Variants in TBC1D30 observed in about 807,000 individuals in gnomAD.
TBC1D30 encodes TBC1 domain family, member 30.
Under a neutral mutation model 63.2 loss-of-function variants are expected in TBC1D30, and 31 were observed. That is an observed-to-expected ratio of 0.49 (90% CI 0.37 to 0.66). The LOEUF is 0.66. TBC1D30 is among the 30% of genes least tolerant of loss of function. TBC1D30 has a pLI of 0.00. For synonymous variants in TBC1D30, 307 were observed against 361.5 expected (o/e 0.85, Z 1.71); for missense variants, 810 against 953.6 (o/e 0.85, Z 1.98).
At chr12:64,837,458 C>T (rs1286562535) in intron 6 of TBC1D30, among the ~76,000 whole-genome samples, 1 of 151,602 alleles carries the variant, frequency 6.6e-6, no homozygotes, top group Non-Finnish European at 1.5e-5. Context: ...GACGGCTCAT[C>T]AGGCATTAGA....
At chr12:64,784,144 C>T (rs934312347) in intron 1 of TBC1D30, among the ~76,000 whole-genome samples, 9 of 151,624 alleles carry the variant, frequency 5.9e-5, no homozygotes, top group African/African-American at 2.2e-4. Context: ...CTAGCCTTTG[C>T]CCTCTTCTTC....
Position 64,879,397 on chromosome 12 carries a change from G to A in TBC1D30, c.*3609G>A, listed in dbSNP as rs780471542. 2.6e-5 allele frequency: 4 copies of A among 152,310 alleles called. No homozygotes were observed. Among genetic ancestry groups the A allele is most frequent in the Non-Finnish European group, 2.9e-5 (2 of 68,020 alleles). The allele number at this position is 152,310 out of a possible 1,614,324, so 9.4% of individuals were successfully genotyped here. Reference sequence around the variant, plus strand: ...CCTGTTACATGTATGTACATAGCCCGAATTATTTTCTTAGGATATGCGTAT... The same window carrying A: ...CCTGTTACATGTATGTACATAGCCCAAATTATTTTCTTAGGATATGCGTAT... On this transcript the variant is annotated 3_prime_UTR_variant, in exon 12 of 12. Transcript: ENST00000539867.
chr12:64,791,655 G>T (rs1871928413), intron 2 of TBC1D30, among the ~76,000 whole-genome samples: 1 of 151,922 alleles, frequency 6.6e-6, no homozygotes, highest in Admixed American at 6.6e-5. Flanking sequence ...GGGACTGCGG[G>T]TGTGTGCCAC....
intron 1 of TBC1D30, among the ~76,000 whole-genome samples, chr12:64,769,073 G>A (rs372336947): frequency 7.2e-5 from 11 of 152,088 alleles, no homozygotes; most frequent in East Asian, 1.9e-4. Flanking sequence ...TGAGAGGATC[G>A]CTTGTGCCCA....
chr12:64,851,686 G>A (rs1022228495), intron 8 of TBC1D30, among the ~76,000 whole-genome samples: 5 of 152,120 alleles, frequency 3.3e-5, no homozygotes, highest in African/African-American at 1.2e-4. Flanking sequence ...CATATTTAGT[G>A]CTCCCTTAAG....
chr12:64,861,677 A>G (rs1415654119), intron 8 of TBC1D30, among the ~76,000 whole-genome samples: 3 of 152,150 alleles, frequency 2.0e-5, no homozygotes, highest in African/African-American at 4.8e-5. Flanking sequence ...TGATTACATA[A>G]TGTACCTGGA....
At chr12:64,765,286 A>G (rs1364936074) in intron 1 of TBC1D30, among the ~76,000 whole-genome samples, 1 of 151,916 alleles carries the variant, frequency 6.6e-6, no homozygotes, top group Non-Finnish European at 1.5e-5. Context: ...CAGGAGATCA[A>G]GACCATCCTG....
chr12:64,767,788 C>CGGGGGGGGGGG (rs59418018), intron 1 of TBC1D30, among the ~76,000 whole-genome samples: 2 of 60,194 alleles, frequency 3.3e-5, no homozygotes, highest in Non-Finnish European at 6.7e-5. Flanking sequence ...CATGCTCCGG[C>CGGGGGGGGGGG]GGGGGGGGGG....
chr12:64,792,882 T>C (rs960412222), intron 2 of TBC1D30, among the ~76,000 whole-genome samples: 2 of 152,074 alleles, frequency 1.3e-5, no homozygotes, highest in Admixed American at 1.3e-4. Flanking sequence ...CCTAGGCTAG[T>C]TATGGAATAA....
intron 10 of TBC1D30, among the ~76,000 whole-genome samples, 151 bp downstream of exon 10, chr12:64,867,054 G>A (rs1024916332): frequency 1.3e-5 from 2 of 152,200 alleles, no homozygotes; most frequent in Non-Finnish European, 2.9e-5. Context: ...GGTCATGCCT[G>A]TAAGCCCAGC....
intron 2 of TBC1D30, among the ~76,000 whole-genome samples, chr12:64,810,357 T>C (rs536414076): frequency 6.6e-6 from 1 of 152,342 alleles, no homozygotes; most frequent in South Asian, 2.1e-4. Context: ...TGACTCACAC[T>C]GTAATCCTAG....
At chr12:64,822,577 A>G (rs770303854), upstream of TBC1D30, among the ~76,000 whole-genome samples, 6 of 151,772 alleles carry the variant, frequency 4.0e-5, no homozygotes, top group Non-Finnish European at 8.8e-5. Context: ...GGCTCATTGC[A>G]GCCTTGACCT....
At chr12:64,805,997 C>T in intron 2 of TBC1D30, among the ~76,000 whole-genome samples, 1 of 152,064 alleles carries the variant, frequency 6.6e-6, no homozygotes, top group South Asian at 2.1e-4. Context: ...AAATTAGTTG[C>T]AATTTATTTC....
At chr12:64,785,887 A>G in exon 2 of TBC1D30, 1 of 1,289,400 alleles carries the variant, frequency 7.8e-7, no homozygotes, top group African/African-American at 1.5e-5. Flanking sequence ...ATAGACGCTA[A>G]TGAACTGAAG....
intron 1 of TBC1D30, among the ~76,000 whole-genome samples, chr12:64,784,535 C>T (rs1362843549): frequency 2.7e-5 from 4 of 150,532 alleles, no homozygotes; most frequent in African/African-American, 9.8e-5. Flanking sequence ...TAATGGGGGG[C>T]TAGCTAAGGT....
At chr12:64,850,094 A>G (rs927851433) in intron 8 of TBC1D30, among the ~76,000 whole-genome samples, 15 of 152,156 alleles carry the variant, frequency 9.9e-5, no homozygotes, top group African/African-American at 3.6e-4. Flanking sequence ...GGTGTAGAGG[A>G]ATGCTTGTGA....
At chr12:64,858,191 A>G (rs543869036) in intron 8 of TBC1D30, among the ~76,000 whole-genome samples, 2 of 152,214 alleles carry the variant, frequency 1.3e-5, no homozygotes, top group East Asian at 3.9e-4. Flanking sequence ...TCTGCCGCCC[A>G]CCCTCCATTC....
intron 10 of TBC1D30, among the ~76,000 whole-genome samples, chr12:64,869,013 C>T (rs1236078265): frequency 1.3e-5 from 2 of 151,370 alleles, no homozygotes; most frequent in African/African-American, 2.4e-5. Context: ...ATTCTGTGGT[C>T]TGGAATTATC....
chr12:64,780,622 G>A (rs1179877822), exon 1 of TBC1D30, among the ~76,000 whole-genome samples: 1 of 152,204 alleles, frequency 6.6e-6, no homozygotes, highest in South Asian at 2.1e-4. Flanking sequence ...CGCCCGGTCC[G>A]GAGCGGAGGG....
Sources: gnomAD v4.1 joint callset for allele counts (sites outside exome capture counted in the v4.1 genomes callset) on GRCh38, gnomAD v4.1.1 for gene constraint, MANE v1.5 for transcripts, NCBI Gene and HGNC (gene_info 2026-07-23, HGNC 2026-07-21) for gene names.